Variants in PSEN2 observed in about 807,000 individuals in gnomAD.
PSEN2 encodes presenilin-2.
Under a neutral mutation model 49.1 loss-of-function variants are expected in PSEN2, and 32 were observed. That is an observed-to-expected ratio of 0.65 (90% CI 0.49 to 0.88). The LOEUF is 0.88. PSEN2 is among the 40% of genes least tolerant of loss of function. PSEN2 has a pLI of 0.00. For missense variants in PSEN2, 522 were observed against 586.9 expected, an observed-to-expected ratio of 0.89 and a Z score of 1.14; for synonymous variants, 255 against 244.0, an observed-to-expected ratio of 1.05 and a Z score of -0.42.
At chr1:226,889,816 G>A (rs893076232) in intron 8 of PSEN2, among the ~76,000 whole-genome samples, 1 of 152,220 alleles carries the variant, frequency 6.6e-6, no homozygotes, top group African/African-American at 2.4e-5. Context: ...CGCGTCTCGG[G>A]TGCACAGCTC....
intron 3 of PSEN2, among the ~76,000 whole-genome samples, 164 bp downstream of exon 3, chr1:226,875,714 G>C (rs557967261): frequency 1.3e-5 from 2 of 152,246 alleles, no homozygotes; most frequent in South Asian, 4.1e-4. Flanking sequence ...ACATTTCTCT[G>C]TAATGAAAAG....
chr1:226,900,034 G>A (rs148227270), downstream of PSEN2, among the ~76,000 whole-genome samples: 509 of 152,292 alleles, frequency 3.3e-3, 2 homozygotes, highest in African/African-American at 0.011. Flanking sequence ...CGTGGTTATG[G>A]CGTGTCTTTT....
rs1006862439 is a variant in PSEN2, at chr1:226,895,677, C to A, written c.*98C>A. On this transcript the variant is annotated 3_prime_UTR_variant, in exon 13 of 13. Transcript: ENST00000366783. ...AGTGCCATATATTTTTAAGACTTTTCTTTCCTTAAAAAATAAAGTACGTGT... is the reference window on the plus strand; with the variant it reads ...AGTGCCATATATTTTTAAGACTTTTATTTCCTTAAAAAATAAAGTACGTGT... The A allele has an allele frequency of 7.2e-7, 1 of 1,393,562 alleles. No homozygotes were observed. The highest frequency in any genetic ancestry group is 1.4e-5 in the African/African-American group (1 of 69,334). 86.3% of individuals were successfully genotyped at this position (1,393,562 alleles called of 1,614,324 possible).
chr1:226,877,313 A>G (rs913820683), intron 3 of PSEN2, among the ~76,000 whole-genome samples: 2 of 152,196 alleles, frequency 1.3e-5, no homozygotes, highest in Admixed American at 6.5e-5. Flanking sequence ...GTCCAGACAC[A>G]CTACCTAGGT....
At chr1:226,876,691 G>A (rs1660648065) in intron 3 of PSEN2, among the ~76,000 whole-genome samples, 1 of 152,188 alleles carries the variant, frequency 6.6e-6, no homozygotes, top group African/African-American at 2.4e-5. Context: ...AAAGTTTTAT[G>A]TTCGGTTAAA....
intron 3 of PSEN2, among the ~76,000 whole-genome samples, chr1:226,875,988 C>A (rs546022966): frequency 1.2e-4 from 18 of 152,308 alleles, no homozygotes; most frequent in Non-Finnish European, 1.5e-4. Context: ...TTCCTTCTGC[C>A]TCTCTGCATT....
At chr1:226,883,958 G>T in intron 5 of PSEN2, 39 bp downstream of exon 5, 1 of 1,059,566 alleles carries the variant, frequency 9.4e-7, no homozygotes, top group South Asian at 1.6e-5. Context: ...TGGGGTGAGG[G>T]CTGAGTTGCC....
intron 12 of PSEN2, 38 bp from the exon 13 acceptor site, chr1:226,895,386 G>A: frequency 6.2e-7 from 1 of 1,612,798 alleles, no homozygotes; most frequent in Non-Finnish European, 8.5e-7. Flanking sequence ...GTCCACACCA[G>A]GGATCACCAC....
At chr1:226,891,680 TTCTC>T (rs1183013688) in intron 10 of PSEN2, 59 bp from the exon 11 acceptor site, 9 of 1,410,338 alleles carry the variant, frequency 6.4e-6, no homozygotes, top group Non-Finnish European at 8.0e-6. Flanking sequence ...CAGCTGTTGT[TTCTC>T]TCTCTTGTTG....
At chr1:226,880,710 CATGTGTAG>C in intron 3 of PSEN2, 1 of 1,612,948 alleles carries the variant, frequency 6.2e-7, no homozygotes, top group Non-Finnish European at 8.5e-7. Context: ...CAGAAACCTG[CATGTGTAG>C]ATTTTGGTAC....
intron 3 of PSEN2, among the ~76,000 whole-genome samples, chr1:226,877,227 C>T (rs201698728): frequency 4.6e-5 from 7 of 152,294 alleles, no homozygotes; most frequent in Admixed American, 3.9e-4. Context: ...ATCCCGAATG[C>T]GGATCCCTGA....
At chr1:226,891,622 C>T in intron 10 of PSEN2, 121 bp from the exon 11 acceptor site, 4 of 957,360 alleles carry the variant, frequency 4.2e-6, no homozygotes, top group Non-Finnish European at 6.7e-6. Flanking sequence ...GGTGCTGGTG[C>T]TCAGGGGGAC....
rs569345040 is a variant in PSEN2, at chr1:226,903,148, C to CT, written c.1192-5373dup. On this transcript the variant is annotated intron_variant, in intron 12 of 14. Coordinates refer to the PSEN2 transcript ENST00000676945. ...CTTTTTGACTCCAGCATGACTTACT[C>CT]TAACAATGGGTGGTCTCGATTTTGA... Among the ~76,000 whole-genome samples, 12 of 152,184 alleles carry CT rather than the reference C, an allele frequency of 7.9e-5. No individual in the cohort carries two copies. The South Asian group carries it at 2.5e-3, about 32-fold the overall frequency.
intron 3 of PSEN2, among the ~76,000 whole-genome samples, chr1:226,881,057 G>A (rs1049967330): frequency 2.0e-5 from 3 of 152,130 alleles, no homozygotes; most frequent in African/African-American, 7.2e-5. Flanking sequence ...TTTCTCTCCT[G>A]CGTCAGGTCC....
chr1:226,878,534 A>C (rs980175108), intron 3 of PSEN2, among the ~76,000 whole-genome samples: 9 of 152,094 alleles, frequency 5.9e-5, no homozygotes, highest in Non-Finnish European at 1.2e-4. Context: ...GTGCATTGCT[A>C]TTTGGGAGCC....
chr1:226,880,791 CT>C, intron 3 of PSEN2: 1 of 1,605,780 alleles, frequency 6.2e-7, no homozygotes, highest in Middle Eastern at 1.7e-4. Flanking sequence ...AGGGGGCAGG[CT>C]TCCCTCCTGT....
At position 226,881,956 on chromosome 1, in the gene PSEN2, C is replaced by T. The variant is rs199644116; in HGVS notation, c.49C>T (p.Arg17Trp). 2.4e-5 allele frequency: 38 copies of T among 1,613,940 alleles called. No individual in the cohort carries two copies. Among genetic ancestry groups the T allele is most frequent in the East Asian group, 4.5e-5 (2 of 44,890 alleles). The change falls in exon 4 of 13, where the codon CGG becomes TGG. Residue 17 changes from arginine (R) to tryptophan (W), a missense_variant. Arg to Trp is a moderately radical substitution (Grantham distance 101, BLOSUM62 -3). Coordinates refer to ENST00000366783, the MANE Select transcript of PSEN2 (RefSeq NM_000447.3). ...CAGCGAGGAAGAAGTGTGTGATGAG[C>T]GGACGTCCCTAATGTCGGCTGAGAG... ...SDSEEEVCDE[R>W]TSLMSAESPT...
At position 226,895,498 on chromosome 1, in the gene PSEN2, C is replaced by T. The variant is rs200169735; in HGVS notation, c.1266C>T (p.Phe422=). The part of the protein sequence containing the change: ...ALPALPISIT[F]GLIFYFSTDN... ...CCGCCCTCCCCATCTCCATCACGTT[C>T]GGGCTCATCTTTTACTTCTCCACGG... Residue 422 remains phenylalanine, a synonymous_variant, in exon 13 of 13, where the codon TTC becomes TTT. Coordinates refer to ENST00000366783, the MANE Select transcript of PSEN2 (RefSeq NM_000447.3). 2.0e-5 allele frequency: 33 copies of T among 1,613,842 alleles called. No homozygotes were observed. Among genetic ancestry groups the T allele is most frequent in the East Asian group, 2.0e-4 (9 of 44,884 alleles).
At chr1:226,874,982 C>G (rs1348815266) in intron 2 of PSEN2, among the ~76,000 whole-genome samples, 1 of 152,190 alleles carries the variant, frequency 6.6e-6, no homozygotes, top group Non-Finnish European at 1.5e-5. Context: ...CCCCACAAAC[C>G]ACCCTTTTCC....
Sources: allele counts gnomAD v4.1 joint callset (sites outside exome capture counted in the v4.1 genomes callset), GRCh38; gene constraint gnomAD v4.1.1; transcripts MANE v1.5; gene names NCBI Gene and HGNC (gene_info 2026-07-23, HGNC 2026-07-21).